The following DOCK3 variants were observed in gnomAD, a reference collection of about 807,000 sequenced individuals.
The protein encoded by DOCK3 is dedicator of cytokinesis 3.
Under a neutral mutation model 265.6 loss-of-function variants are expected in DOCK3, and 60 were observed. That is an observed-to-expected ratio of 0.23 (90% CI 0.18 to 0.28). The LOEUF (loss-of-function observed/expected upper bound fraction) is 0.28, where lower values mean the gene tolerates loss of function less well. Among genes scored for constraint, DOCK3 ranks in the 10% least tolerant of loss-of-function variants. The probability of loss-of-function intolerance (pLI) is 1.00; values close to 1 mark genes in which losing one functional copy is unlikely to be tolerated. For synonymous variants in DOCK3, 881 were observed against 938.0 expected (o/e 0.94, Z 1.11); for missense variants, 1,981 against 2,594.3 (o/e 0.76, Z 5.14).
At chr3:51,339,619 G>A (rs996649630) in intron 37 of DOCK3, among the ~76,000 whole-genome samples, 3 of 152,150 alleles carry the variant, frequency 2.0e-5, no homozygotes, top group Non-Finnish European at 4.4e-5. Flanking sequence ...CAATATCAAG[G>A]CCTTTTCTAA....
intron 5 of DOCK3, among the ~76,000 whole-genome samples, chr3:51,053,673 G>A (rs367624507): frequency 5.3e-5 from 8 of 151,966 alleles, no homozygotes; most frequent in Admixed American, 3.9e-4. Flanking sequence ...CACCAGCCTC[G>A]GCCTCCCAAA....
At chr3:51,192,762 C>T (rs539345757) in intron 12 of DOCK3, among the ~76,000 whole-genome samples, 2 of 152,142 alleles carry the variant, frequency 1.3e-5, no homozygotes, top group East Asian at 3.9e-4. Flanking sequence ...GCTACAAGTG[C>T]AGGAGTCAGG....
At chr3:50,767,599 C>T (rs906273313) in intron 1 of DOCK3, among the ~76,000 whole-genome samples, 14 of 152,166 alleles carry the variant, frequency 9.2e-5, no homozygotes, top group South Asian at 4.2e-4. Flanking sequence ...CTTGGCAATG[C>T]GGGCCCGTTT....
At chr3:51,249,490 C>A (rs1307884804) in intron 22 of DOCK3, among the ~76,000 whole-genome samples, 1 of 100,202 alleles carries the variant, frequency 1.0e-5, no homozygotes, top group African/African-American at 3.9e-5. Flanking sequence ...CCGCCCCATC[C>A]GGGAGGGAGG....
At chr3:51,194,993 T>G (rs952668456) in intron 12 of DOCK3, among the ~76,000 whole-genome samples, 4 of 151,646 alleles carry the variant, frequency 2.6e-5, no homozygotes, top group Non-Finnish European at 5.9e-5. Context: ...CCCAGCTAAT[T>G]TTTTTGTATT....
intron 12 of DOCK3, among the ~76,000 whole-genome samples, chr3:51,195,909 T>C (rs146075995): frequency 2.6e-5 from 4 of 152,198 alleles, no homozygotes; most frequent in African/African-American, 9.6e-5. Context: ...CTGTCAGATT[T>C]TTTTTCTTTT....
intron 5 of DOCK3, among the ~76,000 whole-genome samples, chr3:50,969,605 T>C (rs1323322648): frequency 1.3e-5 from 2 of 152,194 alleles, no homozygotes; most frequent in Non-Finnish European, 2.9e-5. Context: ...GTTTTTATGA[T>C]GGCAAGTATC....
chr3:51,118,589 A>G (rs1046693522), intron 9 of DOCK3, among the ~76,000 whole-genome samples: 1 of 152,134 alleles, frequency 6.6e-6, no homozygotes, highest in Non-Finnish European at 1.5e-5. Context: ...TTGTGTGGGA[A>G]TCTAAGTCTC....
At chr3:51,296,515 T>C (rs1327113523) in intron 27 of DOCK3, among the ~76,000 whole-genome samples, 2 of 151,544 alleles carry the variant, frequency 1.3e-5, no homozygotes, top group Admixed American at 6.6e-5. Flanking sequence ...CTTGCTCTGT[T>C]GCCTGGGCTG....
At chr3:51,171,402 ATTC>A (rs1348784210) in intron 12 of DOCK3, among the ~76,000 whole-genome samples, 4 of 152,088 alleles carry the variant, frequency 2.6e-5, no homozygotes, top group African/African-American at 9.7e-5. Flanking sequence ...TTGAGATTTC[ATTC>A]TTCTTAAATT....
At position 51,381,520 on chromosome 3, in the gene DOCK3, G is replaced by A. The variant is rs1553618774; in HGVS notation, c.6054G>A (p.Gln2018=). Residue 2018 remains glutamine (Q), a synonymous_variant, in exon 53 of 53, where the codon CAG becomes CAA. Transcript: ENST00000266037. The surrounding 1 kb of genome is among the most constrained non-coding windows in gnomAD (Gnocchi z 5.6). ...PLPPGSAKEE[Q]ARMAWEHGRG... ...CTCCTGGGAGCGCTAAGGAGGAGCA[G>A]GCCCGCATGGCCTGGGAGCACGGCC... 1.3e-6 allele frequency: 2 copies of A among 1,569,522 alleles called. No individual in the cohort carries two copies. Among genetic ancestry groups the A allele is most frequent in the South Asian group, 1.2e-5 (1 of 85,430 alleles).
At chr3:51,277,015 G>T (rs1353855200) in intron 25 of DOCK3, among the ~76,000 whole-genome samples, 1 of 152,192 alleles carries the variant, frequency 6.6e-6, no homozygotes. Flanking sequence ...AATGGACCCT[G>T]TAACACGAGC....
intron 3 of DOCK3, among the ~76,000 whole-genome samples, chr3:50,883,863 C>T (rs1393907876): frequency 1.3e-5 from 2 of 152,080 alleles, no homozygotes; most frequent in Non-Finnish European, 2.9e-5. Flanking sequence ...ACAGAAACTT[C>T]CAAGCCCATT....
At chr3:50,987,595 C>T (rs2108596631) in intron 5 of DOCK3, among the ~76,000 whole-genome samples, 1 of 152,292 alleles carries the variant, frequency 6.6e-6, no homozygotes, top group South Asian at 2.1e-4. Context: ...GTGGCTCTCA[C>T]AGAAAGGAAT....
intron 6 of DOCK3, 89 bp downstream of exon 6, chr3:51,064,685 T>A: frequency 6.8e-7 from 1 of 1,479,016 alleles, no homozygotes; most frequent in African/African-American, 1.4e-5. Context: ...AGCTTCTCTT[T>A]AATGATTCAA....
chr3:51,250,434 C>T (rs1478831145), intron 22 of DOCK3, among the ~76,000 whole-genome samples: 1 of 152,164 alleles, frequency 6.6e-6, no homozygotes, highest in African/African-American at 2.4e-5. Context: ...GCCTGGCCAA[C>T]ATGATGAAAC....
At chr3:51,325,235 C>A (rs2084020245) in intron 32 of DOCK3, among the ~76,000 whole-genome samples, 1 of 151,954 alleles carries the variant, frequency 6.6e-6, no homozygotes, top group Admixed American at 6.6e-5. Flanking sequence ...AAAACCCTAT[C>A]AAAAGGTGAG....
intron 9 of DOCK3, among the ~76,000 whole-genome samples, chr3:51,114,232 G>C (rs2083639087): frequency 6.6e-6 from 1 of 152,154 alleles, no homozygotes. Context: ...ATAACCAAGG[G>C]GGAATATTTT....
intron 32 of DOCK3, among the ~76,000 whole-genome samples, chr3:51,327,760 A>G (rs1050206023): frequency 2.7e-5 from 4 of 149,938 alleles, no homozygotes; most frequent in African/African-American, 7.4e-5. Flanking sequence ...GCTCACTGCA[A>G]CCTCCACCTC....
Sources: allele counts gnomAD v4.1 joint callset (sites outside exome capture counted in the v4.1 genomes callset), GRCh38; gene constraint gnomAD v4.1.1; non-coding constraint Gnocchi (gnomAD v3.1); transcripts MANE v1.5; gene names NCBI Gene and HGNC (gene_info 2026-07-23, HGNC 2026-07-21).